PDS5B: variants seen among roughly 807,000 people sequenced by gnomAD.
The protein encoded by PDS5B is sister chromatid cohesion protein PDS5 homolog B.
A neutral mutation model predicts 184.1 loss-of-function variants in PDS5B; 51 were observed. The observed-to-expected ratio is 0.28, with a 90% CI of 0.22 to 0.35. PDS5B has a LOEUF of 0.35. Ranked by LOEUF, PDS5B falls within the 10% of genes least tolerant of loss-of-function variation. The probability of loss-of-function intolerance (pLI) is 1.00; values close to 1 mark genes in which losing one functional copy is unlikely to be tolerated. For synonymous variants in PDS5B, 566 were observed against 569.2 expected (o/e 0.99, Z 0.08); for missense variants, 1,180 against 1,723.3 (o/e 0.68, Z 5.58).
At chr13:32,638,585 G>A (rs1295505533) in intron 1 of PDS5B, among the ~76,000 whole-genome samples, 1 of 152,152 alleles carries the variant, frequency 6.6e-6, no homozygotes. Context: ...AAACAGGTAT[G>A]TTGTATTTTC....
chr13:32,725,843 C>CTAAAA (rs1213200181), intron 19 of PDS5B, among the ~76,000 whole-genome samples: 1 of 152,046 alleles, frequency 6.6e-6, no homozygotes, highest in Non-Finnish European at 1.5e-5. Context: ...TAAAAGTAGT[C>CTAAAA]TTTTACTTTT....
rs1197984735 is a variant in PDS5B, at chr13:32,683,970, C to T, written c.1150C>T (p.Leu384=). ...IVTAAKKDIL[L]VNDHLLNFVR... Reference sequence around the variant, plus strand: ...TACAGCTGCTAAAAAGGATATTCTTCTGGTCAATGATCACTTACTTAATTT... The same window carrying T: ...TACAGCTGCTAAAAAGGATATTCTTTTGGTCAATGATCACTTACTTAATTT... The change falls in exon 11 of 35, where the codon CTG becomes TTG. Residue 384 remains leucine (L), a synonymous_variant. Coordinates refer to ENST00000315596, the MANE Select transcript of PDS5B (RefSeq NM_015032.4). 2 of 1,588,672 alleles carry T rather than the reference C, an allele frequency of 1.3e-6. No individual in the cohort carries two copies. The highest frequency in any genetic ancestry group is 1.7e-6 in the Non-Finnish European group (2 of 1,158,890).
chr13:32,760,426 A>G (rs1255496960), intron 29 of PDS5B, 149 bp from the exon 30 acceptor site: 1 of 648,616 alleles, frequency 1.5e-6, no homozygotes, highest in African/African-American at 1.8e-5. Flanking sequence ...AGTGATATTT[A>G]GTTTATACTT....
intron 1 of PDS5B, among the ~76,000 whole-genome samples, chr13:32,607,475 G>T (rs1175425953): frequency 6.6e-6 from 1 of 152,232 alleles, no homozygotes; most frequent in African/African-American, 2.4e-5. Flanking sequence ...GCCCCTACTG[G>T]GAGGTGTCTC....
At chr13:32,609,876 A>T (rs974626007) in intron 1 of PDS5B, among the ~76,000 whole-genome samples, 1 of 150,868 alleles carries the variant, frequency 6.6e-6, no homozygotes, top group East Asian at 1.9e-4. Flanking sequence ...AGAGGCTAAA[A>T]TTGTGGGGAT....
intron 1 of PDS5B, among the ~76,000 whole-genome samples, chr13:32,645,992 G>GGGTGTGTGGGTGTGT (rs1555294551): frequency 3.3e-5 from 5 of 150,294 alleles, no homozygotes; most frequent in East Asian, 1.9e-4. Context: ...GTGGGTGTGT[G>GGGTGTGTGGGTGTGT]GGTGTGTGGT....
chr13:32,701,188 G>A (rs574272526), intron 16 of PDS5B, 135 bp from the exon 17 acceptor site: 1 of 547,050 alleles, frequency 1.8e-6, no homozygotes, highest in Non-Finnish European at 3.3e-6. Flanking sequence ...TTTTTTTCTG[G>A]GCTTGTTCAA....
At chr13:32,710,689 C>T (rs1346373879) in intron 19 of PDS5B, among the ~76,000 whole-genome samples, 3 of 152,182 alleles carry the variant, frequency 2.0e-5, no homozygotes, top group African/African-American at 7.2e-5. Context: ...TATATCTCTT[C>T]TTCTAGTTCT....
chr13:32,729,941 T>C (rs1310526281), intron 19 of PDS5B, among the ~76,000 whole-genome samples: 1 of 152,222 alleles, frequency 6.6e-6, no homozygotes, highest in African/African-American at 2.4e-5. Flanking sequence ...AGAAGCTCTT[T>C]AGTTTAATTA....
At chr13:32,739,825 G>A (rs1304751395) in intron 21 of PDS5B, among the ~76,000 whole-genome samples, 1 of 152,004 alleles carries the variant, frequency 6.6e-6, no homozygotes, top group African/African-American at 2.4e-5. Context: ...CCTCTTCAGT[G>A]CTTTTCATCT....
At chr13:32,744,983 C>G (rs1041921062) in intron 23 of PDS5B, among the ~76,000 whole-genome samples, 1 of 152,128 alleles carries the variant, frequency 6.6e-6, no homozygotes, top group African/African-American at 2.4e-5. Context: ...GTTACAACTT[C>G]TCCCTCCTTA....
Position 32,600,347 on chromosome 13 carries a change from A to T in PDS5B, c.-20+13754A>T, listed in dbSNP as rs1481685645. ...TGGATATGATACATCATATCTCTAA[A>T]CTCTTTTTATCTTCCCTTGATGAAT... On this transcript the variant is annotated intron_variant, in intron 1 of 34. Coordinates refer to ENST00000315596, the MANE Select transcript of PDS5B (RefSeq NM_015032.4). 4.6e-5 allele frequency among the ~76,000 whole-genome samples: 7 copies of T among 152,224 alleles called. No homozygotes were observed. In the East Asian group the frequency reaches 1.3e-3, roughly 29 times the overall value.
At chr13:32,688,265 G>A (rs142657765) in intron 12 of PDS5B, among the ~76,000 whole-genome samples, 191 bp from the exon 13 acceptor site, 225 of 152,168 alleles carry the variant, frequency 1.5e-3, no homozygotes, top group African/African-American at 4.8e-3. Context: ...GCTGTTTTCA[G>A]TACATCCAGC....
chr13:32,681,410 G>A (rs1464240384), intron 10 of PDS5B, among the ~76,000 whole-genome samples: 1 of 152,124 alleles, frequency 6.6e-6, no homozygotes, highest in Non-Finnish European at 1.5e-5. Flanking sequence ...ATTGCTTGAG[G>A]TCAGGAGTTT....
At chr13:32,765,641 T>A (rs1278013529) in intron 31 of PDS5B, among the ~76,000 whole-genome samples, 1 of 152,250 alleles carries the variant, frequency 6.6e-6, no homozygotes, top group African/African-American at 2.4e-5. Context: ...TCTCACTTTG[T>A]CGCCCAGGCT....
At chr13:32,693,399 C>T (rs1322164919) in intron 13 of PDS5B, among the ~76,000 whole-genome samples, 2 of 151,888 alleles carry the variant, frequency 1.3e-5, no homozygotes, top group East Asian at 3.9e-4. Context: ...AGGCATTTTT[C>T]AAACATATTG....
At chr13:32,637,472 G>A (rs115766561) in intron 1 of PDS5B, among the ~76,000 whole-genome samples, 312 of 152,194 alleles carry the variant, frequency 2.1e-3, no homozygotes, top group African/African-American at 7.3e-3. Context: ...TCTTGAGTTC[G>A]CGGTATCTTT....
At chr13:32,593,712 T>C (rs2057811729) in intron 1 of PDS5B, among the ~76,000 whole-genome samples, 1 of 152,130 alleles carries the variant, frequency 6.6e-6, no homozygotes, top group African/African-American at 2.4e-5. Flanking sequence ...AAGGAAAATA[T>C]ATTTGCTATT....
intron 17 of PDS5B, among the ~76,000 whole-genome samples, 185 bp downstream of exon 17, chr13:32,701,623 TATATATA>T (rs1566346923): frequency 6.9e-5 from 1 of 14,420 alleles, no homozygotes; most frequent in African/African-American, 8.0e-4. Flanking sequence ...GACACACACA[TATATATA>T]TATATACACT....
Sources: gnomAD v4.1 joint callset for allele counts (sites outside exome capture counted in the v4.1 genomes callset) on GRCh38, gnomAD v4.1.1 for gene constraint, MANE v1.5 for transcripts, NCBI Gene and HGNC (gene_info 2026-07-23, HGNC 2026-07-21) for gene names.